Variants in PSMA1 observed in about 807,000 individuals in gnomAD.
The protein encoded by PSMA1 is proteasome subunit alpha type-1.
Under a neutral mutation model 38.4 loss-of-function variants are expected in PSMA1, and 3 were observed. The ratio of observed to expected loss-of-function variants is 0.08; its 90% CI spans 0.04 to 0.20. The LOEUF is 0.20. PSMA1 is among the 10% of genes least tolerant of loss of function. The pLI, the probability that PSMA1 is intolerant of heterozygous loss-of-function variation, is 1.00. For synonymous variants in PSMA1, 101 were observed against 107.1 expected (o/e 0.94, Z 0.35); for missense variants, 227 against 325.3 (o/e 0.70, Z 2.32).
At chr11:14,602,609 C>T (rs1291777627) in intron 2 of PSMA1, among the ~76,000 whole-genome samples, 2 of 152,032 alleles carry the variant, frequency 1.3e-5, no homozygotes, top group African/African-American at 4.8e-5. Context: ...TGCTCATAAT[C>T]TTGGAGTAGC....
At chr11:14,537,863 C>G (rs905385979) in intron 2 of PSMA1, among the ~76,000 whole-genome samples, 1 of 151,906 alleles carries the variant, frequency 6.6e-6, no homozygotes, top group Non-Finnish European at 1.5e-5. Context: ...TGTGCACTGC[C>G]ACACCTGGCT....
chr11:14,560,119 A>C (rs1851991528), intron 2 of PSMA1, among the ~76,000 whole-genome samples: 1 of 152,104 alleles, frequency 6.6e-6, no homozygotes, highest in African/African-American at 2.4e-5. Flanking sequence ...ATTATATGAG[A>C]GCTATCAGTG....
In PSMA1 at chr11:14,514,435, G is replaced by C. The variant is rs2134146644; in HGVS notation, c.311C>G (p.Pro104Arg). The change falls in exon 5 of 10, where the codon CCT becomes CGT. Residue 104 changes from proline (P) to arginine (R), a missense_variant. By Grantham distance (103) the Pro-to-Arg change is moderately radical. Transcript: ENST00000396394. ...DSRFVFDRPL[P>R]VSRLVSLIGS... ...AATTAGAGATACAAGACGAGACACAGGCAGTGGTCTATCGAATACAAATCT... is the reference window on the plus strand; with the variant it reads ...AATTAGAGATACAAGACGAGACACACGCAGTGGTCTATCGAATACAAATCT... The C allele has an allele frequency of 6.2e-7, 1 of 1,608,024 alleles. No individual in the cohort carries two copies. Among genetic ancestry groups the C allele is most frequent in the Non-Finnish European group, 8.5e-7 (1 of 1,176,588 alleles).
intron 1 of PSMA1, among the ~76,000 whole-genome samples, chr11:14,630,605 A>G (rs1322505189): frequency 4.6e-5 from 7 of 151,430 alleles, no homozygotes; most frequent in Non-Finnish European, 1.0e-4. Flanking sequence ...ATGTTCATCA[A>G]GGATATTGGT....
chr11:14,578,825 C>T (rs1161453530), intron 2 of PSMA1, among the ~76,000 whole-genome samples: 1 of 152,212 alleles, frequency 6.6e-6, no homozygotes, highest in African/African-American at 2.4e-5. Flanking sequence ...TTAATTATCC[C>T]GGCCTTCTCC....
At chr11:14,624,390 C>G (rs1043911229) in intron 1 of PSMA1, among the ~76,000 whole-genome samples, 3 of 152,152 alleles carry the variant, frequency 2.0e-5, no homozygotes, top group Non-Finnish European at 2.9e-5. Context: ...TCAGAGACCT[C>G]TATATGGTAC....
intron 2 of PSMA1, among the ~76,000 whole-genome samples, chr11:14,563,178 G>A (rs1349553184): frequency 6.6e-6 from 1 of 152,134 alleles, no homozygotes; most frequent in East Asian, 1.9e-4. Flanking sequence ...GCTATTGATT[G>A]TAACAACTAT....
intron 1 of PSMA1, among the ~76,000 whole-genome samples, chr11:14,614,755 T>G (rs1359272269): frequency 6.6e-6 from 1 of 152,232 alleles, no homozygotes; most frequent in Admixed American, 6.5e-5. Context: ...TCCTTATCAC[T>G]GCCACTGCTT....
At chr11:14,568,890 A>G (rs1283472779) in intron 2 of PSMA1, among the ~76,000 whole-genome samples, 1 of 152,168 alleles carries the variant, frequency 6.6e-6, no homozygotes, top group Non-Finnish European at 1.5e-5. Flanking sequence ...GTGTGCCACA[A>G]CTGGAGCTGA....
At chr11:14,601,988 A>G (rs1334676980) in intron 2 of PSMA1, among the ~76,000 whole-genome samples, 2 of 152,246 alleles carry the variant, frequency 1.3e-5, no homozygotes, top group East Asian at 1.9e-4. Context: ...AATTTAGTCA[A>G]TCCTCTCATT....
intron 8 of PSMA1, among the ~76,000 whole-genome samples, chr11:14,510,096 A>T (rs1428919930): frequency 6.6e-6 from 1 of 152,210 alleles, no homozygotes; most frequent in Non-Finnish European, 1.5e-5. Context: ...TCCTCTGCTC[A>T]AACTCTTAAC....
At chr11:14,567,194 C>T (rs560187771) in intron 2 of PSMA1, among the ~76,000 whole-genome samples, 1 of 152,322 alleles carries the variant, frequency 6.6e-6, no homozygotes, top group African/African-American at 2.4e-5. Flanking sequence ...GTTTCAGTCC[C>T]AACGCAGGGT....
At chr11:14,613,612 T>C (rs1852735085) in intron 1 of PSMA1, among the ~76,000 whole-genome samples, 1 of 152,106 alleles carries the variant, frequency 6.6e-6, no homozygotes, top group Non-Finnish European at 1.5e-5. Context: ...CTTCCATTGG[T>C]TTCAGATAAT....
chr11:14,601,835 G>T (rs1333561078), intron 2 of PSMA1, among the ~76,000 whole-genome samples: 1 of 152,148 alleles, frequency 6.6e-6, no homozygotes, highest in Non-Finnish European at 1.5e-5. Flanking sequence ...TAACAATTTT[G>T]CTAAATGAGA....
Position 14,546,438 on chromosome 11 carries a change from T to C in PSMA1, c.22-27397A>G, listed in dbSNP as rs145865346. ...TTGTTGTTTAGAGCTCTCATGGAAA[T>C]GTGGCTTTTTTTCCCCCCAGACAGA... On this transcript the variant is annotated intron_variant, in intron 2 of 10. Transcript: ENST00000418988. Among the ~76,000 whole-genome samples the C allele has an allele frequency of 1.9e-3, 292 of 152,178 alleles. 2 individuals carry two copies. The highest frequency in any genetic ancestry group is 6.5e-3 in the African/African-American group (271 of 41,512).
intron 9 of PSMA1, among the ~76,000 whole-genome samples, 172 bp from the exon 10 acceptor site, chr11:14,505,420 T>C (rs764997138): frequency 6.6e-6 from 1 of 152,162 alleles, no homozygotes; most frequent in Non-Finnish European, 1.5e-5. Flanking sequence ...ATTTTTTTTC[T>C]CCTTGAGTGC....
chr11:14,604,629 G>C (rs760437819), intron 2 of PSMA1, among the ~76,000 whole-genome samples: 1 of 152,154 alleles, frequency 6.6e-6, no homozygotes, highest in Admixed American at 6.5e-5. Flanking sequence ...TATATTATGT[G>C]ATGCTGAGGT....
At chr11:14,596,048 G>C (rs1590003810) in intron 2 of PSMA1, among the ~76,000 whole-genome samples, 1 of 152,258 alleles carries the variant, frequency 6.6e-6, no homozygotes, top group Non-Finnish European at 1.5e-5. Flanking sequence ...AAGATCAGAT[G>C]GTTGTAGATG....
chr11:14,597,156 A>T (rs1432405338), intron 2 of PSMA1, among the ~76,000 whole-genome samples: 1 of 152,178 alleles, frequency 6.6e-6, no homozygotes, highest in Non-Finnish European at 1.5e-5. Context: ...CCAGTATTTT[A>T]TTGAAGATTT....
Sources: allele counts gnomAD v4.1 joint callset (sites outside exome capture counted in the v4.1 genomes callset), GRCh38; gene constraint gnomAD v4.1.1; transcripts MANE v1.5; gene names NCBI Gene and HGNC (gene_info 2026-07-23, HGNC 2026-07-21).